The following NAALADL2 variants were observed in gnomAD, a reference collection of about 807,000 sequenced individuals.
NAALADL2 encodes N-acetylated alpha-linked acidic dipeptidase like 2.
In NAALADL2, 76 loss-of-function variants were observed where a neutral mutation model predicts 87.2. That is an observed-to-expected ratio of 0.87 (90% CI 0.72 to 1.05). The LOEUF (loss-of-function observed/expected upper bound fraction) is 1.05, where lower values mean the gene tolerates loss of function less well. NAALADL2 is among the 50% of genes least tolerant of loss of function. NAALADL2 has a pLI of 0.00. For synonymous variants in NAALADL2, 354 were observed against 331.0 expected (o/e 1.07, Z -0.75); for missense variants, 1,089 against 945.8 (o/e 1.15, Z -1.99).
intron 4 of NAALADL2, among the ~76,000 whole-genome samples, chr3:175,300,573 G>A (rs996257813): frequency 2.1e-4 from 32 of 151,858 alleles, no homozygotes; most frequent in African/African-American, 5.3e-4. Flanking sequence ...GTTTATTTGC[G>A]TACAGGTGTT....
intron 4 of NAALADL2, among the ~76,000 whole-genome samples, chr3:175,293,519 A>C (rs1045797740): frequency 1.3e-5 from 2 of 152,176 alleles, no homozygotes; most frequent in Non-Finnish European, 2.9e-5. Flanking sequence ...TATGGTTTGA[A>C]TATTTGTGTC....
At chr3:175,039,236 G>A (rs919434811) in intron 1 of NAALADL2, among the ~76,000 whole-genome samples, 9 of 152,082 alleles carry the variant, frequency 5.9e-5, no homozygotes, top group Non-Finnish European at 4.4e-5. Context: ...GCACAAACTC[G>A]GCTCACTGCA....
chr3:174,494,782 G>C (rs1274226307), intron 1 of NAALADL2, among the ~76,000 whole-genome samples: 9 of 152,222 alleles, frequency 5.9e-5, no homozygotes, highest in Admixed American at 3.9e-4. Flanking sequence ...GCAATGGAGA[G>C]GACAGTTCAA....
chr3:174,967,876 G>T (rs1486195160), intron 1 of NAALADL2, among the ~76,000 whole-genome samples: 1 of 152,162 alleles, frequency 6.6e-6, no homozygotes, highest in African/African-American at 2.4e-5. Context: ...GTCTTGGGGT[G>T]GTTGTTATGC....
chr3:175,181,966 G>A (rs1736625178), intron 2 of NAALADL2, among the ~76,000 whole-genome samples: 1 of 150,656 alleles, frequency 6.6e-6, no homozygotes, highest in South Asian at 2.1e-4. Flanking sequence ...ACTTTTTGAG[G>A]GATCTCCACA....
At chr3:174,954,540 G>A (rs1035258325) in intron 1 of NAALADL2, among the ~76,000 whole-genome samples, 1 of 151,998 alleles carries the variant, frequency 6.6e-6, no homozygotes, top group African/African-American at 2.4e-5. Flanking sequence ...TAACACTTTG[G>A]CCAAAGTTAG....
chr3:175,583,657 T>G (rs966726885), intron 10 of NAALADL2, among the ~76,000 whole-genome samples: 10 of 152,272 alleles, frequency 6.6e-5, no homozygotes, highest in South Asian at 2.1e-4. Context: ...AAGAAAGAAA[T>G]AATAGAATTT....
At chr3:175,765,113 T>A (rs1748520867) in intron 13 of NAALADL2, among the ~76,000 whole-genome samples, 1 of 152,144 alleles carries the variant, frequency 6.6e-6, no homozygotes, top group South Asian at 2.1e-4. Flanking sequence ...TTTAACATAT[T>A]TTAATAGCGA....
At chr3:174,711,312 A>C (rs994287467) in intron 2 of NAALADL2, among the ~76,000 whole-genome samples, 1 of 152,230 alleles carries the variant, frequency 6.6e-6, no homozygotes, top group East Asian at 1.9e-4. Flanking sequence ...GAGTGAGCTC[A>C]TATCAAATTT....
intron 5 of NAALADL2, among the ~76,000 whole-genome samples, chr3:175,359,231 A>T (rs796551053): frequency 3.4e-4 from 52 of 152,270 alleles, no homozygotes; most frequent in African/African-American, 1.2e-3. Context: ...TAAAATAATT[A>T]GTTAACAATT....
intron 11 of NAALADL2, among the ~76,000 whole-genome samples, chr3:175,710,363 G>A (rs1740357737): frequency 6.6e-6 from 1 of 151,862 alleles, no homozygotes; most frequent in Non-Finnish European, 1.5e-5. Flanking sequence ...TAAGAGGGTT[G>A]ATTTACATAA....
At chr3:175,341,997 T>C (rs959095250) in intron 5 of NAALADL2, among the ~76,000 whole-genome samples, 1 of 152,152 alleles carries the variant, frequency 6.6e-6, no homozygotes, top group Admixed American at 6.6e-5. Flanking sequence ...TATGGGTTAA[T>C]TTATGTATTA....
intron 4 of NAALADL2, among the ~76,000 whole-genome samples, chr3:175,299,596 G>A (rs997259988): frequency 6.6e-6 from 1 of 152,098 alleles, no homozygotes; most frequent in African/African-American, 2.4e-5. Context: ...CTCTCTGTTT[G>A]TCTACTGTTG....
chr3:175,485,787 A>T (rs1375490009), intron 9 of NAALADL2, among the ~76,000 whole-genome samples: 1 of 152,082 alleles, frequency 6.6e-6, no homozygotes, highest in Non-Finnish European at 1.5e-5. Flanking sequence ...CTTTGGCAAC[A>T]CCCTCACAGA....
At chr3:175,461,442 C>T (rs964777652) in intron 6 of NAALADL2, among the ~76,000 whole-genome samples, 1 of 152,138 alleles carries the variant, frequency 6.6e-6, no homozygotes, top group Admixed American at 6.6e-5. Context: ...CCACTTGACC[C>T]AGGAATTCCA....
chr3:175,038,495 G>A (rs1753684045), intron 1 of NAALADL2, among the ~76,000 whole-genome samples: 1 of 152,066 alleles, frequency 6.6e-6, no homozygotes, highest in South Asian at 2.1e-4. Flanking sequence ...AATTGTGTAT[G>A]CTTAAAAATA....
At chr3:175,338,660 C>CAA (rs1474154661) in intron 5 of NAALADL2, among the ~76,000 whole-genome samples, 37 of 102,152 alleles carry the variant, frequency 3.6e-4, no homozygotes, top group Admixed American at 1.0e-3. Flanking sequence ...CACACACACA[C>CAA]ACAAACAAAC....
At position 175,250,217 on chromosome 3, in the gene NAALADL2, C is replaced by A. The variant is rs147091629; in HGVS notation, c.820-6194C>A. Among the ~76,000 whole-genome samples the A allele has an allele frequency of 1.3e-3, 188 of 148,258 alleles. 2 individuals are homozygous for A. Among genetic ancestry groups the A allele is most frequent in the Non-Finnish European group, 2.0e-3 (135 of 67,246 alleles). On this transcript the variant is annotated intron_variant, in intron 3 of 13. Transcript: ENST00000454872. ...ATTAGTATTCTTATAAGAATAGATA[C>A]CTGAGAGTTTGCTCTCTCTTTTTCT...
Position 174,984,120 on chromosome 3 carries a change from C to A in NAALADL2, c.44-112670C>A, listed in dbSNP as rs201135770. Reference sequence around the variant, plus strand: ...AAGCGCTTGAGATGTTTTAAAAAAACACACACACAATAACAACGTATTTCA... The same window carrying A: ...AAGCGCTTGAGATGTTTTAAAAAAAAACACACACAATAACAACGTATTTCA... On this transcript the variant is annotated intron_variant, in intron 1 of 13. Transcript: ENST00000454872. 1.6e-4 allele frequency among the ~76,000 whole-genome samples: 23 copies of A among 148,118 alleles called. 1 individual carries two copies. Among genetic ancestry groups the A allele is most frequent in the Middle Eastern group, 3.4e-3 (1 of 290 alleles).
Sources: allele counts gnomAD v4.1 joint callset (sites outside exome capture counted in the v4.1 genomes callset), GRCh38; gene constraint gnomAD v4.1.1; transcripts MANE v1.5; gene names NCBI Gene and HGNC (gene_info 2026-07-23, HGNC 2026-07-21).